The following MED15 variants were observed in gnomAD, a reference collection of about 807,000 sequenced individuals.
MED15 encodes mediator complex subunit 15.
Under a neutral mutation model 118.7 loss-of-function variants are expected in MED15, and 41 were observed. The ratio of observed to expected loss-of-function variants is 0.35; its 90% CI spans 0.27 to 0.45. MED15 has a LOEUF of 0.45. Ranked by LOEUF, MED15 falls within the 20% of genes least tolerant of loss-of-function variation. MED15 has a pLI of 1.00. For synonymous variants in MED15, 436 were observed against 413.9 expected (o/e 1.05, Z -0.65); for missense variants, 740 against 1,025.5 (o/e 0.72, Z 3.80).
At chr22:20,514,814 G>A (rs2054194777) in intron 1 of MED15, among the ~76,000 whole-genome samples, 3 of 152,332 alleles carry the variant, frequency 2.0e-5, no homozygotes, top group Non-Finnish European at 2.9e-5. Flanking sequence ...GGTCATGGTC[G>A]TGCCATAGGC....
chr22:20,582,758 C>A lies in MED15; in HGVS notation c.1409+11C>A, dbSNP rs1334110672. On this transcript the variant is annotated intron_variant, in intron 10 of 17. Coordinates refer to ENST00000263205, the MANE Select transcript of MED15 (RefSeq NM_001003891.3). ...CAACTCCAACGTCAGGTAGGCCTGG[C>A]CTGGGGTGCCCCTCCCCACCTGGCC... The A allele has an allele frequency of 6.3e-7, 1 of 1,587,478 alleles. No individual in the cohort carries two copies. The highest frequency in any genetic ancestry group is 8.5e-7 in the Non-Finnish European group (1 of 1,170,764).
rs115035526 is a variant in MED15, at chr22:20,570,333, G to C, written c.1152+1702G>C. 5.6e-3 allele frequency among the ~76,000 whole-genome samples: 850 copies of C among 151,334 alleles called. 8 individuals carry two copies. The highest frequency in any genetic ancestry group is 0.02 in the African/African-American group (814 of 41,216). ...CCAATGCGCCCGGCTGGAAACTTCTGTACCGCAGGTCAAGCCCAGCAGGAA... is the reference window on the plus strand; with the variant it reads ...CCAATGCGCCCGGCTGGAAACTTCTCTACCGCAGGTCAAGCCCAGCAGGAA... On this transcript the variant is annotated intron_variant, in intron 8 of 17. Coordinates refer to ENST00000263205, the MANE Select transcript of MED15 (RefSeq NM_001003891.3).
intron 1 of MED15, among the ~76,000 whole-genome samples, chr22:20,519,284 C>G (rs1453182859): frequency 6.6e-6 from 1 of 152,134 alleles, no homozygotes; most frequent in East Asian, 1.9e-4. Flanking sequence ...TTAGTAATGA[C>G]TCTCTTTCTA....
Position 20,576,491 on chromosome 22 carries a change from G to C in MED15, c.1272+1259G>C, listed in dbSNP as rs527627840. 5.3e-5 allele frequency among the ~76,000 whole-genome samples: 8 copies of C among 152,352 alleles called. No homozygotes were observed. In the South Asian group the frequency reaches 1.7e-3, roughly 32 times the overall value. On this transcript the variant is annotated intron_variant, in intron 9 of 17. Coordinates refer to ENST00000263205, the MANE Select transcript of MED15 (RefSeq NM_001003891.3). ...AGAAAGTGGCCTGGGCCCCCACTGG[G>C]GCATGTTTAGCTTTTGCCTTCCCTG...
chr22:20,551,613 G>A (rs999055988), intron 3 of MED15, 126 bp downstream of exon 3: 1 of 892,378 alleles, frequency 1.1e-6, no homozygotes. Flanking sequence ...CACCTCACTT[G>A]CTTCTGGGAA....
chr22:20,567,686 G>A (rs774540860), intron 7 of MED15, among the ~76,000 whole-genome samples: 12 of 152,070 alleles, frequency 7.9e-5, no homozygotes, highest in Non-Finnish European at 1.2e-4. Flanking sequence ...GCTTGGAGAT[G>A]TCTAAGGAAG....
intron 7 of MED15, 74 bp downstream of exon 7, chr22:20,566,891 C>G: frequency 6.4e-7 from 1 of 1,570,970 alleles, no homozygotes; most frequent in South Asian, 1.2e-5. Flanking sequence ...GGCTCTTTGG[C>G]TAGAGATAGC....
Position 20,564,592 on chromosome 22 carries a change from G to T in MED15, c.594G>T (p.Gln198His), listed in dbSNP as rs775323620. Residue 198 changes from glutamine (Q) to histidine (H), a missense_variant, in exon 6 of 18, where the codon CAG (glutamine) becomes CAT (histidine). Coordinates refer to ENST00000263205, the MANE Select transcript of MED15 (RefSeq NM_001003891.3). ...QFQAQQSAMQ[Q>H]QFQAVVQQQQ... ...AGGCTCAGCAGAGTGCCATGCAGCAGCAGTTCCAAGCAGTAGTGCAGCAGC... is the reference window on the plus strand; with the variant it reads ...AGGCTCAGCAGAGTGCCATGCAGCATCAGTTCCAAGCAGTAGTGCAGCAGC... 9 of 1,610,388 alleles carry T rather than the reference G, an allele frequency of 5.6e-6. No homozygotes were observed. Among genetic ancestry groups the T allele is most frequent in the Non-Finnish European group, 7.6e-6 (9 of 1,177,824 alleles).
At chr22:20,519,150 G>A (rs1456640590) in intron 1 of MED15, among the ~76,000 whole-genome samples, 4 of 152,124 alleles carry the variant, frequency 2.6e-5, no homozygotes, top group Admixed American at 2.6e-4. Context: ...ACTGTGCCTG[G>A]CCCTGAGACA....
At chr22:20,586,446 C>T (rs1297172853) in intron 17 of MED15, 122 bp from the exon 18 acceptor site, 7 of 1,434,648 alleles carry the variant, frequency 4.9e-6, no homozygotes, top group Non-Finnish European at 6.6e-6. Context: ...GCGTGCAGGA[C>T]ACATCACCTC....
intron 1 of MED15, among the ~76,000 whole-genome samples, chr22:20,530,652 C>T (rs976099207): frequency 6.6e-6 from 1 of 151,992 alleles, no homozygotes; most frequent in Non-Finnish European, 1.5e-5. Flanking sequence ...TTGGTGGGAA[C>T]CAGGGCGGTT....
chr22:20,511,261 A>G (rs2054053429), intron 1 of MED15, among the ~76,000 whole-genome samples: 1 of 152,128 alleles, frequency 6.6e-6, no homozygotes, highest in Admixed American at 6.6e-5. Context: ...CTGTAATCCC[A>G]GCACCCTGGG....
At chr22:20,576,312 T>C (rs2056822873) in intron 9 of MED15, among the ~76,000 whole-genome samples, 1 of 152,266 alleles carries the variant, frequency 6.6e-6, no homozygotes, top group South Asian at 2.1e-4. Flanking sequence ...TCCCTGTCCA[T>C]CCCTGAACGC....
chr22:20,518,729 G>T, intron 1 of MED15: 1 of 368,478 alleles, frequency 2.7e-6, no homozygotes, highest in Admixed American at 3.4e-5. Context: ...GGAAAGCAGT[G>T]CTGGCTTTAA....
In MED15 at chr22:20,566,691, C is replaced by T; in HGVS notation, c.915C>T (p.Pro305=). ...HTQHHQPPPQ[P]QQPPVAQNQP... ...AGCACCACCAGCCGCCACCACAGCC[C>T]CAGCAGCCTCCAGTTGCTCAGAACC... is the stretch of plus-strand genomic sequence containing the variant. Residue 305 remains proline (P), a synonymous_variant, in exon 7 of 18, where the codon CCC becomes CCT. Coordinates refer to ENST00000263205, the MANE Select transcript of MED15 (RefSeq NM_001003891.3). 2 of 1,614,182 alleles carry T rather than the reference C, an allele frequency of 1.2e-6. No individual in the cohort carries two copies. The highest frequency in any genetic ancestry group is 8.5e-7 in the Non-Finnish European group (1 of 1,180,018).
intron 1 of MED15, among the ~76,000 whole-genome samples, chr22:20,519,299 A>G (rs901781585): frequency 6.6e-6 from 1 of 152,198 alleles, no homozygotes; most frequent in African/African-American, 2.4e-5. Context: ...TTTCTAGTCT[A>G]GGTGCAGGGC....
At position 20,577,608 on chromosome 22, in the gene MED15, A is replaced by G. The variant is rs377694899; in HGVS notation, c.1272+2376A>G. On this transcript the variant is annotated intron_variant, in intron 9 of 17. Transcript: ENST00000263205. ...AATATATGATGAAGCTGAAAAAGTT[A>G]TTGCCTTGGAATAAATGCCATGGAG... is the stretch of plus-strand genomic sequence containing the variant. 9.9e-5 allele frequency among the ~76,000 whole-genome samples: 15 copies of G among 152,062 alleles called. No individual in the cohort carries two copies. In the South Asian group the frequency reaches 3.1e-3, roughly 32 times the overall value.
chr22:20,538,589 C>T (rs1601519273), intron 2 of MED15, among the ~76,000 whole-genome samples: 1 of 152,304 alleles, frequency 6.6e-6, no homozygotes, highest in East Asian at 1.9e-4. Flanking sequence ...TGTTAGCAGT[C>T]ACACTCCCTT....
intron 7 of MED15, among the ~76,000 whole-genome samples, chr22:20,568,127 T>C (rs895804024): frequency 1.3e-5 from 2 of 152,220 alleles, no homozygotes; most frequent in Non-Finnish European, 2.9e-5. Context: ...AGACAGGAGC[T>C]ACTACGCCCT....
Sources: allele counts gnomAD v4.1 joint callset (sites outside exome capture counted in the v4.1 genomes callset), GRCh38; gene constraint gnomAD v4.1.1; transcripts MANE v1.5; gene names NCBI Gene and HGNC (gene_info 2026-07-23, HGNC 2026-07-21).